Variants in ACBD5 observed in about 807,000 individuals in gnomAD.
The protein encoded by ACBD5 is acyl-CoA-binding domain-containing protein 5.
ACBD5 carries 40 observed loss-of-function variants against 71.8 expected under a neutral mutation model. That is an observed-to-expected ratio of 0.56 (90% CI 0.43 to 0.72). The LOEUF (loss-of-function observed/expected upper bound fraction) is 0.72. Among genes scored for constraint, ACBD5 ranks in the 30% least tolerant of loss-of-function variants. The probability of loss-of-function intolerance (pLI) is 0.00; values close to 1 mark genes in which losing one functional copy is unlikely to be tolerated. For missense variants in ACBD5, 559 were observed against 644.5 expected, an observed-to-expected ratio of 0.87 and a Z score of 1.44; for synonymous variants, 229 against 218.6, an observed-to-expected ratio of 1.05 and a Z score of -0.42.
At chr10:27,232,162 C>T (rs761474427) in intron 3 of ACBD5, 1 of 235,140 alleles carries the variant, frequency 4.3e-6, no homozygotes, top group Non-Finnish European at 8.4e-6. Context: ...ATTATTGCTT[C>T]TCAGGTTTTG....
chr10:27,206,722 G>A (rs2136905568), intron 10 of ACBD5, among the ~76,000 whole-genome samples: 1 of 151,898 alleles, frequency 6.6e-6, no homozygotes, highest in South Asian at 2.1e-4. Flanking sequence ...CACCATGCTG[G>A]CCAGGCTGGT....
In ACBD5 at chr10:27,214,736, A is replaced by C. The variant is rs556931452; in HGVS notation, c.936+799T>G. ...CAGTGAATTACAGTCAATGTGGAGA[A>C]CAGACTTATTTGTTTGAAAATTATT... On this transcript the variant is annotated intron_variant, in intron 8 of 12. Coordinates refer to ENST00000396271, the MANE Select transcript of ACBD5 (RefSeq NM_145698.5). 1.2e-4 allele frequency among the ~76,000 whole-genome samples: 18 copies of C among 152,320 alleles called. 1 individual carries two copies. The highest frequency in any genetic ancestry group is 1.1e-3 in the Admixed American group (17 of 15,292).
intron 8 of ACBD5, among the ~76,000 whole-genome samples, chr10:27,211,918 G>T (rs1375192899): frequency 6.6e-6 from 1 of 151,462 alleles, no homozygotes; most frequent in Non-Finnish European, 1.5e-5. Flanking sequence ...GGTATAAAGG[G>T]TATATAAGAG....
intron 5 of ACBD5, among the ~76,000 whole-genome samples, chr10:27,222,410 T>TAAAAAAAAAAAA (rs11322768): frequency 7.1e-6 from 1 of 140,402 alleles, no homozygotes; most frequent in Non-Finnish European, 1.5e-5. Context: ...GACAAAATTC[T>TAAAAAAAAAAAA]AAAAAAAAAA....
intron 12 of ACBD5, among the ~76,000 whole-genome samples, chr10:27,203,511 G>A (rs917759189): frequency 3.3e-5 from 5 of 152,168 alleles, no homozygotes; most frequent in Admixed American, 3.3e-4. Context: ...GGCCAAGGCG[G>A]GCAAATCACC....
rs545071516 is a variant in ACBD5 at position 27,240,747 on chromosome 10, C to G, written c.-59G>C. The G allele has an allele frequency of 1.9e-6, 3 of 1,550,070 alleles. No homozygotes were observed. The highest frequency in any genetic ancestry group is 1.2e-5 in the South Asian group (1 of 84,048). On this transcript the variant is annotated 5_prime_UTR_variant, in exon 1 of 13. Transcript: ENST00000396271. This position sits in a 1 kb window ranked among gnomAD's most constrained non-coding sequence, Gnocchi z 4.1. ...GTGGCCGCGGAGCCGCTCTCCCACCCTGGGGACCCTGGCGGAGCAGCCACA... is the reference window on the plus strand; with the variant it reads ...GTGGCCGCGGAGCCGCTCTCCCACCGTGGGGACCCTGGCGGAGCAGCCACA...
At chr10:27,220,001 T>G (rs2062133167) in intron 5 of ACBD5, 144 bp from the exon 6 acceptor site, 1 of 572,526 alleles carries the variant, frequency 1.7e-6, no homozygotes, top group Non-Finnish European at 2.5e-6. Flanking sequence ...TTATTTTCTT[T>G]GACTATAAAC....
At chr10:27,205,546 A>C (rs1157369544) in intron 10 of ACBD5, among the ~76,000 whole-genome samples, 1 of 152,166 alleles carries the variant, frequency 6.6e-6, no homozygotes, top group East Asian at 1.9e-4. Context: ...GACTATGAAA[A>C]TAAAACCTCA....
Position 27,196,195 on chromosome 10 carries a change from C to T in ACBD5, c.*1235G>A, listed in dbSNP as rs772147995. On this transcript the variant is annotated 3_prime_UTR_variant, in exon 13 of 13. Coordinates refer to ENST00000396271, the MANE Select transcript of ACBD5 (RefSeq NM_145698.5). ...AGCCTGGGCAACAAGAGAGAAACTC[C>T]ATTTAAAAAAAAAAATTATTTGTTA... 7 of 453,252 alleles carry T rather than the reference C, an allele frequency of 1.5e-5. No homozygotes were observed. The highest frequency in any genetic ancestry group is 1.1e-4 in the South Asian group (7 of 64,320). The allele number at this position is 453,252 out of a possible 1,614,324, so 28.1% of individuals were successfully genotyped here.
chr10:27,232,326 T>C (rs1000311759), intron 3 of ACBD5: 1 of 5,704 alleles, frequency 1.8e-4, no homozygotes, highest in South Asian at 3.5e-3. Context: ...CAGGCATGGG[T>C]TTTTTTTTTT....
At chr10:27,227,060 G>GT (rs2063168131) in intron 4 of ACBD5, among the ~76,000 whole-genome samples, 1 of 72,466 alleles carries the variant, frequency 1.4e-5, no homozygotes, top group African/African-American at 5.4e-5. Context: ...TAGTATCAGT[G>GT]TATTTTATGT....
At chr10:27,188,807 G>T (rs2058927351) in intron 13 of ACBD5, among the ~76,000 whole-genome samples, 1 of 152,122 alleles carries the variant, frequency 6.6e-6, no homozygotes, top group Non-Finnish European at 1.5e-5. Context: ...AGAACAATGG[G>T]AAAAAGGGGA....
upstream of ACBD5, chr10:27,242,086 G>C: frequency 2.2e-6 from 1 of 452,118 alleles, no homozygotes; most frequent in South Asian, 1.6e-5. Flanking sequence ...AGGCCTGTCC[G>C]GTAATGTCCC....
chr10:27,228,272 A>AAAAT (rs937979565), intron 4 of ACBD5, among the ~76,000 whole-genome samples: 1 of 664 alleles, frequency 1.5e-3, no homozygotes, highest in Non-Finnish European at 0.012. Flanking sequence ...AAATTTGTAC[A>AAAAT]AAAAAAAAAA....
Position 27,195,834 on chromosome 10 carries a change from G to A in ACBD5, c.*1596C>T, listed in dbSNP as rs1234600247. 4.5e-6 allele frequency: 2 copies of A among 445,344 alleles called. No homozygotes were observed. The highest frequency in any genetic ancestry group is 7.0e-5 in the East Asian group (1 of 14,344). 27.6% of individuals were successfully genotyped at this position (445,344 alleles called of 1,614,324 possible). On this transcript the variant is annotated 3_prime_UTR_variant, in exon 13 of 13. Transcript: ENST00000396271. The stretch of plus-strand genomic sequence containing the variant: ...AGAACCATTCTGTATACTAAAGACA[G>A]ATTATTTCTTATTTAAAACACTGTG...
intron 10 of ACBD5, among the ~76,000 whole-genome samples, chr10:27,207,619 A>T (rs1398052476): frequency 1.3e-5 from 2 of 152,226 alleles, no homozygotes; most frequent in East Asian, 3.8e-4. Flanking sequence ...AATGTTACTC[A>T]AGAAGCGGCA....
chr10:27,208,304 T>C lies in ACBD5; in HGVS notation c.1346A>G (p.Glu449Gly). ...QIALVLMRLQ[E>G]DMQNVLQRLQ... ...TCTCTGAAGGACATTCTGCATGTCC[T>C]CCTGCAGTCTCATCAGCACGAGGGC... Residue 449 changes from glutamate (E) to glycine (G), a missense_variant, in exon 10 of 13, where the codon GAG becomes GGG. Physicochemically the swap from Glu to Gly is moderately conservative, Grantham distance 98. Coordinates refer to ENST00000396271, the MANE Select transcript of ACBD5 (RefSeq NM_145698.5). The C allele has an allele frequency of 2.5e-6, 4 of 1,614,184 alleles. No individual in the cohort carries two copies. Among genetic ancestry groups the C allele is most frequent in the Non-Finnish European group, 3.4e-6 (4 of 1,180,032 alleles).
chr10:27,221,917 CAAAAAA>C (rs56253187), intron 5 of ACBD5, among the ~76,000 whole-genome samples: 1 of 77,138 alleles, frequency 1.3e-5, no homozygotes, highest in African/African-American at 5.0e-5. Context: ...GACTCCATCT[CAAAAAA>C]AAAAAAAAAA....
chr10:27,207,309 T>TAAC (rs1382044264), intron 10 of ACBD5, among the ~76,000 whole-genome samples: 3 of 151,198 alleles, frequency 2.0e-5, no homozygotes, highest in Non-Finnish European at 4.4e-5. Context: ...ATAATAATAA[T>TAAC]AATAACATGT....
Sources: allele counts gnomAD v4.1 joint callset (sites outside exome capture counted in the v4.1 genomes callset), GRCh38; gene constraint gnomAD v4.1.1; non-coding constraint Gnocchi (gnomAD v3.1); transcripts MANE v1.5; gene names NCBI Gene and HGNC (gene_info 2026-07-23, HGNC 2026-07-21).